UBE2R2: variants seen among roughly 807,000 people sequenced by gnomAD.
UBE2R2 encodes the protein ubiquitin-conjugating enzyme E2 R2.
UBE2R2 carries 1 observed loss-of-function variant against 27.8 expected under a neutral mutation model. The ratio of observed to expected loss-of-function variants is 0.04; its 90% CI spans 0.01 to 0.17. The LOEUF (loss-of-function observed/expected upper bound fraction) is 0.17, where lower values mean the gene tolerates loss of function less well. Ranked by LOEUF, UBE2R2 falls within the 10% of genes least tolerant of loss-of-function variation. The probability of loss-of-function intolerance (pLI) is 1.00; values close to 1 mark genes in which losing one functional copy is unlikely to be tolerated. For synonymous variants in UBE2R2, 106 were observed against 113.3 expected (o/e 0.94, Z 0.41); for missense variants, 100 against 291.0 (o/e 0.34, Z 4.78).
At chr9:33,877,327 G>A (rs999358120) in intron 1 of UBE2R2, among the ~76,000 whole-genome samples, 11 of 151,604 alleles carry the variant, frequency 7.3e-5, no homozygotes, top group African/African-American at 2.7e-4. Flanking sequence ...GACTACTGGT[G>A]CCCGGCACCC....
chr9:33,917,404 T>C lies in UBE2R2; in HGVS notation c.*167T>C. ...ATGGATCTCAGTTTGCTCCTTTTTA[T>C]GGACCTTTAATGGAGAGAGAGTAAC... On this transcript the variant is annotated 3_prime_UTR_variant, in exon 5 of 5. Transcript: ENST00000263228. The C allele has an allele frequency of 1.0e-6, 1 of 996,382 alleles. No homozygotes were observed. Among genetic ancestry groups the C allele is most frequent in the Non-Finnish European group, 1.4e-6 (1 of 691,476 alleles). The allele number at this position is 996,382 out of a possible 1,614,324, so 61.7% of individuals were successfully genotyped here.
intron 1 of UBE2R2, among the ~76,000 whole-genome samples, chr9:33,835,218 G>T (rs1820591501): frequency 7.1e-6 from 1 of 141,566 alleles, no homozygotes; most frequent in South Asian, 2.3e-4. Context: ...CATGATCTTG[G>T]CTCACTGCAA....
intron 1 of UBE2R2, among the ~76,000 whole-genome samples, chr9:33,829,785 G>A (rs1820403632): frequency 7.0e-6 from 1 of 143,252 alleles, no homozygotes; most frequent in African/African-American, 2.6e-5. Context: ...CTTTAGATTA[G>A]TGCAATCGTT....
chr9:33,817,696 G>A lies in UBE2R2; in HGVS notation c.-62G>A. 2.3e-6 allele frequency: 3 copies of A among 1,331,816 alleles called. No individual in the cohort carries two copies. The highest frequency in any genetic ancestry group is 2.9e-6 in the Non-Finnish European group (3 of 1,042,638). The allele number at this position is 1,331,816 out of a possible 1,614,324, so 82.5% of individuals were successfully genotyped here. A position where few individuals can be genotyped will look rare whatever the true frequency, so the allele number is the denominator to read the frequency against. ...GAGCGGAGGGGAGGGGCCTGGTCCG[G>A]CCCGGCCGGTGCGTGAGGACTGGGG... On this transcript the variant is annotated 5_prime_UTR_variant, in exon 1 of 5. Transcript: ENST00000263228.
chr9:33,884,485 C>T (rs1458629621), intron 1 of UBE2R2, among the ~76,000 whole-genome samples: 2 of 151,708 alleles, frequency 1.3e-5, no homozygotes, highest in Admixed American at 6.6e-5. Context: ...CGCTACCTTG[C>T]CTAGGCTTGT....
intron 1 of UBE2R2, among the ~76,000 whole-genome samples, chr9:33,853,774 ATTTTTTT>A (rs749498528): frequency 8.9e-6 from 1 of 112,274 alleles, no homozygotes; most frequent in Non-Finnish European, 1.8e-5. Context: ...CTTCCTTCCA[ATTTTTTT>A]TTTTTTTTTT....
At chr9:33,916,701 G>A (rs7022524) in intron 4 of UBE2R2, among the ~76,000 whole-genome samples, 1 of 152,068 alleles carries the variant, frequency 6.6e-6, no homozygotes, top group African/African-American at 2.4e-5. Context: ...TTCTTAAGTC[G>A]CCGACCTATT....
chr9:33,888,318 C>CA (rs939727266), intron 2 of UBE2R2, among the ~76,000 whole-genome samples: 17 of 151,326 alleles, frequency 1.1e-4, no homozygotes, highest in East Asian at 3.9e-4. Context: ...AAAAAACAAA[C>CA]AAAAAAAAAT....
At chr9:33,849,539 G>A (rs962843275) in intron 1 of UBE2R2, among the ~76,000 whole-genome samples, 1 of 151,834 alleles carries the variant, frequency 6.6e-6, no homozygotes, top group Non-Finnish European at 1.5e-5. Flanking sequence ...CAGGTTTGTT[G>A]ATAATAACTG....
intron 1 of UBE2R2, among the ~76,000 whole-genome samples, chr9:33,868,231 G>A (rs1027369906): frequency 6.6e-6 from 1 of 152,068 alleles, no homozygotes; most frequent in East Asian, 1.9e-4. Flanking sequence ...CGCTTGTGTT[G>A]CTCTGCCAGC....
chr9:33,905,400 C>CCAATTCTGGACA (rs1170541439), intron 3 of UBE2R2, among the ~76,000 whole-genome samples: 1 of 152,068 alleles, frequency 6.6e-6, no homozygotes, highest in Non-Finnish European at 1.5e-5. Flanking sequence ...TCTTTTAAAC[C>CCAATTCTGGACA]CAATTCTGGA....
chr9:33,855,602 A>C (rs557653823), intron 1 of UBE2R2, among the ~76,000 whole-genome samples: 1 of 152,352 alleles, frequency 6.6e-6, no homozygotes, highest in East Asian at 1.9e-4. Flanking sequence ...AGCATTGATC[A>C]TTCCTGATTG....
At chr9:33,906,593 T>C (rs1002539144) in intron 3 of UBE2R2, among the ~76,000 whole-genome samples, 7 of 152,132 alleles carry the variant, frequency 4.6e-5, no homozygotes, top group African/African-American at 1.7e-4. Flanking sequence ...AGCCAGGTCT[T>C]ATTTGTGATG....
intron 1 of UBE2R2, among the ~76,000 whole-genome samples, chr9:33,831,459 C>G (rs1184675314): frequency 1.3e-5 from 2 of 152,136 alleles, no homozygotes; most frequent in African/African-American, 2.4e-5. Flanking sequence ...CTCTGCCTCC[C>G]AGGCTGGAGT....
intron 3 of UBE2R2, among the ~76,000 whole-genome samples, chr9:33,909,811 T>G (rs1025039556): frequency 1.3e-5 from 2 of 152,222 alleles, no homozygotes; most frequent in Non-Finnish European, 2.9e-5. Context: ...AATAGGAGCA[T>G]GTGTGATCAA....
At chr9:33,868,752 G>T (rs1342495021) in intron 1 of UBE2R2, 1 of 152,122 alleles carries the variant, frequency 6.6e-6, no homozygotes, top group Non-Finnish European at 1.5e-5. Flanking sequence ...TATGGCAGAT[G>T]TGATCTGATG....
intron 1 of UBE2R2, among the ~76,000 whole-genome samples, chr9:33,843,581 C>T (rs995006467): frequency 4.0e-5 from 6 of 150,880 alleles, no homozygotes; most frequent in Non-Finnish European, 8.8e-5. Context: ...TGGGTTTGAG[C>T]GATCCTCCTG....
intron 1 of UBE2R2, among the ~76,000 whole-genome samples, chr9:33,854,371 G>A (rs186791785): frequency 9.0e-4 from 136 of 151,860 alleles, no homozygotes; most frequent in Non-Finnish European, 1.3e-3. Context: ...CCAGGCTGGA[G>A]TGCAATGGTA....
chr9:33,880,638 G>C (rs944034806), intron 1 of UBE2R2, among the ~76,000 whole-genome samples: 1 of 152,190 alleles, frequency 6.6e-6, no homozygotes, highest in Admixed American at 6.5e-5. Context: ...TCCTTACTGA[G>C]TTTTTGTCTC....
Sources: allele counts gnomAD v4.1 joint callset (sites outside exome capture counted in the v4.1 genomes callset), GRCh38; gene constraint gnomAD v4.1.1; transcripts MANE v1.5; gene names NCBI Gene and HGNC (gene_info 2026-07-23, HGNC 2026-07-21).